Variants in HECW2 observed in about 807,000 individuals in gnomAD.
The protein encoded by HECW2 is HECT, C2 and WW domain containing E3 ubiquitin protein ligase 2.
A neutral mutation model predicts 175.2 loss-of-function variants in HECW2; 61 were observed. The observed-to-expected ratio is 0.35, with a 90% CI of 0.28 to 0.43. HECW2 has a LOEUF of 0.43. Among genes scored for constraint, HECW2 ranks in the 20% least tolerant of loss-of-function variants. The probability of loss-of-function intolerance (pLI) is 1.00; values close to 1 mark genes in which losing one functional copy is unlikely to be tolerated. For synonymous variants in HECW2, 671 were observed against 731.0 expected, an observed-to-expected ratio of 0.92 and a Z score of 1.32; for missense variants, 1,524 against 2,000.5, an observed-to-expected ratio of 0.76 and a Z score of 4.54.
intron 1 of HECW2, among the ~76,000 whole-genome samples, chr2:196,566,974 T>TAACTTTCC (rs1474176935): frequency 6.6e-6 from 1 of 152,172 alleles, no homozygotes; most frequent in Non-Finnish European, 1.5e-5. Context: ...CCTTCTTTCC[T>TAACTTTCC]AGTAACAGCA....
At chr2:196,356,318 T>G (rs1693366345) in intron 2 of HECW2, among the ~76,000 whole-genome samples, 1 of 152,240 alleles carries the variant, frequency 6.6e-6, no homozygotes, top group Non-Finnish European at 1.5e-5. Flanking sequence ...ATAAAGCTGG[T>G]ACGGCAGTCA....
chr2:196,353,216 C>T (rs1184052157), intron 2 of HECW2, among the ~76,000 whole-genome samples: 3 of 152,182 alleles, frequency 2.0e-5, no homozygotes, highest in Non-Finnish European at 4.4e-5. Context: ...GAACTTTCCC[C>T]GAGATACTGT....
At chr2:196,558,794 A>C (rs1289792273) in intron 1 of HECW2, among the ~76,000 whole-genome samples, 1 of 152,254 alleles carries the variant, frequency 6.6e-6, no homozygotes, top group Non-Finnish European at 1.5e-5. Context: ...CTTACCTGGC[A>C]AAGAATCACT....
chr2:196,484,970 T>C (rs936677792), intron 1 of HECW2, among the ~76,000 whole-genome samples: 9 of 152,050 alleles, frequency 5.9e-5, no homozygotes, highest in Non-Finnish European at 1.3e-4. Context: ...GGATTCTAGG[T>C]CAAAAGTGAG....
intron 1 of HECW2, among the ~76,000 whole-genome samples, chr2:196,541,815 A>C (rs1376020412): frequency 6.6e-6 from 1 of 152,154 alleles, no homozygotes; most frequent in African/African-American, 2.4e-5. Context: ...AACTCCTTCC[A>C]ACACCTGAAG....
chr2:196,306,405 C>T, intron 13 of HECW2, 83 bp downstream of exon 13: 2 of 1,342,590 alleles, frequency 1.5e-6, no homozygotes, highest in Non-Finnish European at 2.1e-6. Flanking sequence ...TCGCCATTAT[C>T]ATTCCTGCTA....
intron 3 of HECW2, among the ~76,000 whole-genome samples, chr2:196,338,701 T>C (rs924033588): frequency 1.3e-5 from 2 of 152,194 alleles, no homozygotes; most frequent in Non-Finnish European, 2.9e-5. Context: ...AGTTGAATAT[T>C]TGAAGCATAA....
intron 23 of HECW2, among the ~76,000 whole-genome samples, chr2:196,224,161 G>A (rs1182327565): frequency 6.6e-6 from 1 of 152,138 alleles, no homozygotes; most frequent in Non-Finnish European, 1.5e-5. Context: ...GTTTAAGGGT[G>A]ACTCCCAATT....
rs186541789 is a variant in HECW2, at chr2:196,560,192, T to C, written c.-36+33316A>G. ...AAAGGTCTCACTCTTGTTGCCCAGG[T>C]TGGAGTGCAATGGCGCGATCTCGGC... is the stretch of plus-strand genomic sequence containing the variant. On this transcript the variant is annotated intron_variant, in intron 1 of 28. Coordinates refer to ENST00000644978, the MANE Select transcript of HECW2 (RefSeq NM_001348768.2). 6.0e-4 allele frequency among the ~76,000 whole-genome samples: 91 copies of C among 152,202 alleles called. No individual in the cohort carries two copies. The East Asian group carries it at 9.3e-3, about 16-fold the overall frequency.
intron 3 of HECW2, among the ~76,000 whole-genome samples, chr2:196,343,096 A>C (rs544592853): frequency 1.5e-4 from 23 of 151,988 alleles, no homozygotes; most frequent in African/African-American, 5.1e-4. Context: ...GTATATACAT[A>C]TACACACATG....
At chr2:196,490,474 G>C (rs1215677497) in intron 1 of HECW2, among the ~76,000 whole-genome samples, 2 of 152,126 alleles carry the variant, frequency 1.3e-5, no homozygotes, top group East Asian at 3.9e-4. Context: ...CCAACAAGAA[G>C]AACCCTCACA....
chr2:196,421,731 T>C (rs993848167), intron 2 of HECW2, among the ~76,000 whole-genome samples: 1 of 152,124 alleles, frequency 6.6e-6, no homozygotes, highest in African/African-American at 2.4e-5. Flanking sequence ...GTGACACAAA[T>C]AAGCATGGGG....
chr2:196,274,256 G>A, intron 15 of HECW2, 133 bp from the exon 16 acceptor site: 2 of 640,582 alleles, frequency 3.1e-6, no homozygotes, highest in Non-Finnish European at 5.5e-6. Flanking sequence ...GATACCAGCT[G>A]TGGGGCTGAA....
intron 28 of HECW2, among the ~76,000 whole-genome samples, chr2:196,214,056 T>A (rs1231437509): frequency 6.6e-6 from 1 of 152,198 alleles, no homozygotes; most frequent in African/African-American, 2.4e-5. Context: ...GAAATCACAA[T>A]GGCAGCGATC....
intron 1 of HECW2, among the ~76,000 whole-genome samples, chr2:196,480,767 A>G (rs62184695): frequency 0.024 from 3,648 of 152,276 alleles, 56 homozygotes; most frequent in Non-Finnish European, 0.038. Flanking sequence ...AAGGTCCCTC[A>G]CAATCACAGA....
intron 13 of HECW2, among the ~76,000 whole-genome samples, chr2:196,293,291 T>C (rs1690675476): frequency 6.6e-6 from 1 of 152,200 alleles, no homozygotes; most frequent in African/African-American, 2.4e-5. Flanking sequence ...CTGAGGATAA[T>C]GGCTTCCAGT....
intron 1 of HECW2, among the ~76,000 whole-genome samples, chr2:196,561,212 G>A (rs548175810): frequency 6.6e-6 from 1 of 152,324 alleles, no homozygotes; most frequent in South Asian, 2.1e-4. Flanking sequence ...CCACTCTGGG[G>A]GTGTCTGCCT....
chr2:196,445,456 G>A (rs1193134100), intron 1 of HECW2, among the ~76,000 whole-genome samples: 1 of 152,108 alleles, frequency 6.6e-6, no homozygotes, highest in Non-Finnish European at 1.5e-5. Flanking sequence ...GGGTACATGT[G>A]CAGGCTTCTT....
At chr2:196,488,356 G>C (rs1361865085) in intron 1 of HECW2, among the ~76,000 whole-genome samples, 1 of 152,106 alleles carries the variant, frequency 6.6e-6, no homozygotes, top group Non-Finnish European at 1.5e-5. Flanking sequence ...TTTTAAAAGA[G>C]ATCAAGACCA....
Sources: allele counts gnomAD v4.1 joint callset (sites outside exome capture counted in the v4.1 genomes callset), GRCh38; gene constraint gnomAD v4.1.1; transcripts MANE v1.5; gene names NCBI Gene and HGNC (gene_info 2026-07-23, HGNC 2026-07-21).